The following KALRN variants were observed in gnomAD, a reference collection of about 807,000 sequenced individuals.
KALRN encodes kalirin RhoGEF kinase.
Under a neutral mutation model 353.7 loss-of-function variants are expected in KALRN, and 70 were observed. The ratio of observed to expected loss-of-function variants is 0.20; its 90% confidence interval spans 0.16 to 0.24. KALRN has a LOEUF of 0.24. Among genes scored for constraint, KALRN ranks in the 10% least tolerant of loss-of-function variants. KALRN has a pLI of 1.00. For missense variants in KALRN, 2,791 were observed against 3,756.7 expected (o/e 0.74, Z 6.72); for synonymous variants, 1,391 against 1,434.8 (o/e 0.97, Z 0.69).
chr3:124,640,421 G>A (rs1029485003), intron 37 of KALRN, among the ~76,000 whole-genome samples: 2 of 151,458 alleles, frequency 1.3e-5, no homozygotes, highest in African/African-American at 4.9e-5. Context: ...TGAGTAGCTG[G>A]GATTGCAGGC....
chr3:124,244,187 C>T (rs1286990059), intron 3 of KALRN, among the ~76,000 whole-genome samples: 1 of 152,124 alleles, frequency 6.6e-6, no homozygotes, highest in Admixed American at 6.5e-5. Flanking sequence ...TGTAACTGCA[C>T]CACCTAGAGA....
intron 3 of KALRN, among the ~76,000 whole-genome samples, chr3:124,261,137 G>A (rs150148455): frequency 2.0e-5 from 3 of 150,524 alleles, no homozygotes; most frequent in Admixed American, 1.3e-4. Context: ...TGATCTGCCC[G>A]CCTCAGCCTC....
At position 124,671,614 on chromosome 3, in the gene KALRN, G is replaced by A. The variant is rs746088985; in HGVS notation, c.6704-46G>A. Reference sequence around the variant, plus strand: ...GGACCTAAGAGGCCTCCAAATCCTTGTGGGATTCCCAAAGCTTAGAGTAAC... The same window carrying A: ...GGACCTAAGAGGCCTCCAAATCCTTATGGGATTCCCAAAGCTTAGAGTAAC... On this transcript the variant is annotated intron_variant, in intron 47 of 59. Transcript: ENST00000682506. 1.1e-4 allele frequency: 154 copies of A among 1,411,070 alleles called. 2 individuals are homozygous for A. The South Asian group carries it at 1.8e-3, about 16-fold the overall frequency. 87.4% of individuals were successfully genotyped at this position (1,411,070 alleles called of 1,614,324 possible). A position where few individuals can be genotyped will look rare whatever the true frequency, so the allele number is the denominator to read the frequency against.
intron 58 of KALRN, among the ~76,000 whole-genome samples, chr3:124,715,548 A>G (rs1050839248): frequency 2.5e-4 from 38 of 152,142 alleles, no homozygotes; most frequent in African/African-American, 8.2e-4. Flanking sequence ...ACTCCACTCT[A>G]CTCTGATCAC....
chr3:124,395,996 C>G (rs1050465546), intron 12 of KALRN, among the ~76,000 whole-genome samples: 1 of 152,214 alleles, frequency 6.6e-6, no homozygotes, highest in African/African-American at 2.4e-5. Context: ...GCATCAATAT[C>G]TAGTTCTCTG....
In KALRN at chr3:124,434,533, A is replaced by C. The variant is rs746228633; in HGVS notation, c.3048+8A>C. Reference sequence around the variant, plus strand: ...TACAAAACTTCTGAACAGGTGAGGGAAAAGACTGTGGGGCTTGTGGGGCTG... The same window carrying C: ...TACAAAACTTCTGAACAGGTGAGGGCAAAGACTGTGGGGCTTGTGGGGCTG... On this transcript the variant is annotated splice_region_variant and intron_variant, in intron 17 of 59. Coordinates refer to ENST00000682506, the MANE Select transcript of KALRN (RefSeq NM_001388419.1). 1 of 1,613,280 alleles carries C rather than the reference A, an allele frequency of 6.2e-7. No individual in the cohort carries two copies. The highest frequency in any genetic ancestry group is 1.1e-5 in the South Asian group (1 of 90,978).
chr3:124,409,290 G>A (rs2091918868), intron 13 of KALRN, among the ~76,000 whole-genome samples: 1 of 152,146 alleles, frequency 6.6e-6, no homozygotes, highest in African/African-American at 2.4e-5. Context: ...ACTGGCTTCA[G>A]GCCCTAGTTT....
chr3:124,289,054 A>G (rs1299786025), intron 5 of KALRN, among the ~76,000 whole-genome samples: 2 of 152,208 alleles, frequency 1.3e-5, no homozygotes, highest in South Asian at 2.1e-4. Context: ...CCAAGAGCTT[A>G]TAGCATCCTG....
intron 1 of KALRN, among the ~76,000 whole-genome samples, chr3:124,050,838 A>C (rs978623254): frequency 1.6e-4 from 25 of 152,262 alleles, no homozygotes; most frequent in Middle Eastern, 3.4e-3. Flanking sequence ...TACTAAAAAA[A>C]TCCTATTTTG....
chr3:124,270,582 A>G (rs944846853), intron 5 of KALRN, among the ~76,000 whole-genome samples: 3 of 152,112 alleles, frequency 2.0e-5, no homozygotes, highest in Non-Finnish European at 4.4e-5. Context: ...TACCTTTTGA[A>G]TATGATTTAA....
At position 124,723,805 on chromosome 3, in the gene KALRN, T is replaced by C. The variant is rs1579114693; in HGVS notation, c.*4335T>C. ...AGAGTAAAATGCCCTTGAAAGCAACTGCTACCTTCCTTCTCAAGCTTTATG... is the reference window on the plus strand; with the variant it reads ...AGAGTAAAATGCCCTTGAAAGCAACCGCTACCTTCCTTCTCAAGCTTTATG... On this transcript the variant is annotated 3_prime_UTR_variant, in exon 60 of 60. Coordinates refer to ENST00000682506, the MANE Select transcript of KALRN (RefSeq NM_001388419.1). The C allele has an allele frequency of 6.6e-6, 1 of 152,338 alleles. No individual in the cohort carries two copies. The allele number at this position is 152,338 out of a possible 1,614,324, so 9.4% of individuals were successfully genotyped here.
intron 4 of KALRN, 67 bp downstream of exon 4, chr3:124,264,757 C>A (rs2276739): frequency 5.1e-6 from 7 of 1,368,214 alleles, no homozygotes; most frequent in South Asian, 2.5e-5. Context: ...ACATTTCTCA[C>A]GTCCTCTTCT....
chr3:124,213,957 C>T (rs1429107533), intron 1 of KALRN, among the ~76,000 whole-genome samples: 1 of 152,016 alleles, frequency 6.6e-6, no homozygotes, highest in Non-Finnish European at 1.5e-5. Flanking sequence ...AATTATTAAA[C>T]TTTTTAAGTG....
intron 6 of KALRN, among the ~76,000 whole-genome samples, chr3:124,317,313 C>T (rs2078902785): frequency 6.6e-6 from 1 of 152,140 alleles, no homozygotes; most frequent in African/African-American, 2.4e-5. Flanking sequence ...CTCTGTACTT[C>T]CTTCTTAGTA....
chr3:124,725,356 G>A lies in KALRN; in HGVS notation c.*5886G>A, dbSNP rs1391430012. ...TCTATGGGGAAGGTGAGTAAAACTAGTAGTTAGAACAAATATGAAGACTGA... is the reference window on the plus strand; with the variant it reads ...TCTATGGGGAAGGTGAGTAAAACTAATAGTTAGAACAAATATGAAGACTGA... On this transcript the variant is annotated 3_prime_UTR_variant, in exon 60 of 60. Transcript: ENST00000682506. 1 of 152,122 alleles carries A rather than the reference G, an allele frequency of 6.6e-6. No homozygotes were observed. The highest frequency in any genetic ancestry group is 2.4e-5 in the African/African-American group (1 of 41,420). The allele number at this position is 152,122 out of a possible 1,614,324, so 9.4% of individuals were successfully genotyped here. A position where few individuals can be genotyped will look rare whatever the true frequency, so the allele number is the denominator to read the frequency against.
At chr3:124,674,340 C>T (rs376144435) in intron 48 of KALRN, 24 bp from the exon 49 acceptor site, 3 of 1,601,692 alleles carry the variant, frequency 1.9e-6, no homozygotes, top group Non-Finnish European at 2.6e-6. Context: ...TGTTTGTGCC[C>T]CTCTCACCCT....
chr3:124,250,998 A>G (rs1196460243), intron 3 of KALRN, among the ~76,000 whole-genome samples: 1 of 152,190 alleles, frequency 6.6e-6, no homozygotes, highest in Non-Finnish European at 1.5e-5. Flanking sequence ...CTCTAGGAGC[A>G]ATGGTTCTTG....
chr3:124,607,932 T>TAAAAAA (rs2077519365), intron 34 of KALRN, among the ~76,000 whole-genome samples: 1 of 152,286 alleles, frequency 6.6e-6, no homozygotes, highest in South Asian at 2.1e-4. Flanking sequence ...TAATTAACAT[T>TAAAAAA]GTATCCTGCT....
At chr3:124,407,611 T>C (rs961816786) in intron 13 of KALRN, 11 of 152,124 alleles carry the variant, frequency 7.2e-5, no homozygotes, top group African/African-American at 2.2e-4. Context: ...TCTATATAGG[T>C]TAATATTACC....
Sources: allele counts gnomAD v4.1 joint callset (sites outside exome capture counted in the v4.1 genomes callset), GRCh38; gene constraint gnomAD v4.1.1; transcripts MANE v1.5; gene names NCBI Gene and HGNC (gene_info 2026-07-23, HGNC 2026-07-21).